FNIP1: variants seen among roughly 807,000 people sequenced by gnomAD.
FNIP1 encodes the protein folliculin-interacting protein 1.
A neutral mutation model predicts 124.5 loss-of-function variants in FNIP1; 40 were observed. The observed-to-expected ratio is 0.32, with a 90% CI of 0.25 to 0.42. The LOEUF is 0.42. Ranked by LOEUF, FNIP1 falls within the 10% of genes least tolerant of loss-of-function variation. The probability of loss-of-function intolerance (pLI) is 1.00; values close to 1 mark genes in which losing one functional copy is unlikely to be tolerated. For synonymous variants in FNIP1, 472 were observed against 470.6 expected, an observed-to-expected ratio of 1.00 and a Z score of -0.04; for missense variants, 1,176 against 1,403.7, an observed-to-expected ratio of 0.84 and a Z score of 2.59.
At chr5:131,729,270 G>A (rs1215735147) in intron 3 of FNIP1, among the ~76,000 whole-genome samples, 2 of 152,218 alleles carry the variant, frequency 1.3e-5, no homozygotes, top group African/African-American at 2.4e-5. Flanking sequence ...TAAGTCTGCT[G>A]AGGCTGTGCC....
At chr5:131,649,974 T>C (rs1766996399) in intron 16 of FNIP1, among the ~76,000 whole-genome samples, 1 of 152,202 alleles carries the variant, frequency 6.6e-6, no homozygotes, top group African/African-American at 2.4e-5. Flanking sequence ...ATTCCATTGG[T>C]CTATATACCT....
At chr5:131,778,622 T>C (rs540937262) in intron 1 of FNIP1, among the ~76,000 whole-genome samples, 19 of 120,008 alleles carry the variant, frequency 1.6e-4, no homozygotes, top group Non-Finnish European at 2.2e-4. Flanking sequence ...GAAATACCAT[T>C]TGACCCAGCC....
chr5:131,736,158 T>C (rs1241282914), intron 2 of FNIP1, among the ~76,000 whole-genome samples: 1 of 152,202 alleles, frequency 6.6e-6, no homozygotes, highest in East Asian at 1.9e-4. Context: ...TTTCCATGTA[T>C]GTTTCAACTC....
chr5:131,711,370 C>T lies in FNIP1; in HGVS notation c.623-709G>A, dbSNP rs151200479. On this transcript the variant is annotated intron_variant, in intron 6 of 17. Coordinates refer to ENST00000510461, the MANE Select transcript of FNIP1 (RefSeq NM_133372.3). ...TGAAGACCCAAGAAGGACATTATAGCCTGAAAGCAAGCAGCTGGGTTACCT... is the reference window on the plus strand; with the variant it reads ...TGAAGACCCAAGAAGGACATTATAGTCTGAAAGCAAGCAGCTGGGTTACCT... 7.5e-3 allele frequency among the ~76,000 whole-genome samples: 1,140 copies of T among 152,268 alleles called. 2 individuals are homozygous for T. The highest frequency in any genetic ancestry group is 0.011 in the Non-Finnish European group (717 of 68,032).
intron 1 of FNIP1, among the ~76,000 whole-genome samples, chr5:131,769,239 T>G (rs1771543237): frequency 6.6e-6 from 1 of 152,180 alleles, no homozygotes; most frequent in Non-Finnish European, 1.5e-5. Context: ...AAAACAATAA[T>G]TAATACTTGC....
At chr5:131,696,910 T>A (rs1289982016) in intron 11 of FNIP1, among the ~76,000 whole-genome samples, 1 of 152,138 alleles carries the variant, frequency 6.6e-6, no homozygotes, top group African/African-American at 2.4e-5. Context: ...TAGACATTAT[T>A]CTCTTTCTCA....
intron 2 of FNIP1, among the ~76,000 whole-genome samples, chr5:131,735,529 T>C (rs1005283760): frequency 2.4e-4 from 36 of 148,220 alleles, no homozygotes; most frequent in South Asian, 1.5e-3. Flanking sequence ...TATACATATA[T>C]ACGTATTTAT....
intron 11 of FNIP1, among the ~76,000 whole-genome samples, chr5:131,684,641 T>C (rs979439236): frequency 4.6e-5 from 7 of 152,164 alleles, no homozygotes; most frequent in African/African-American, 9.7e-5. Context: ...ACCACAGCAA[T>C]TGACTCACAA....
At chr5:131,686,956 G>C (rs1034610187) in intron 11 of FNIP1, among the ~76,000 whole-genome samples, 1 of 148,160 alleles carries the variant, frequency 6.7e-6, no homozygotes, top group Non-Finnish European at 1.5e-5. Context: ...AAGAGTTTGG[G>C]AAACAGTTTT....
At chr5:131,796,565 C>A in intron 1 of FNIP1, 3 of 523,338 alleles carry the variant, frequency 5.7e-6, no homozygotes, top group Non-Finnish European at 1.0e-5. Flanking sequence ...GGAGCAGAGT[C>A]GCGCGTGGCT....
At chr5:131,689,387 A>G (rs1768398976) in intron 11 of FNIP1, among the ~76,000 whole-genome samples, 1 of 152,186 alleles carries the variant, frequency 6.6e-6, no homozygotes, top group South Asian at 2.1e-4. Context: ...AAAGTAATAA[A>G]TGTAAAATAA....
At chr5:131,781,708 G>A (rs767488421) in intron 1 of FNIP1, among the ~76,000 whole-genome samples, 2 of 152,152 alleles carry the variant, frequency 1.3e-5, no homozygotes, top group Non-Finnish European at 2.9e-5. Context: ...AATGCATCTT[G>A]TCACCAAAGA....
chr5:131,660,167 C>G (rs1767382564), intron 15 of FNIP1, among the ~76,000 whole-genome samples: 1 of 151,922 alleles, frequency 6.6e-6, no homozygotes, highest in African/African-American at 2.4e-5. Context: ...GGGTGAGGCT[C>G]TGTGCTTGCA....
intron 11 of FNIP1, among the ~76,000 whole-genome samples, chr5:131,687,474 AT>A (rs1474330586): frequency 6.6e-6 from 1 of 152,208 alleles, no homozygotes; most frequent in Admixed American, 6.5e-5. Flanking sequence ...ACATTAAAAT[AT>A]TGATTTAAAA....
chr5:131,691,157 T>C (rs981245631), intron 11 of FNIP1, among the ~76,000 whole-genome samples: 4 of 152,234 alleles, frequency 2.6e-5, no homozygotes, highest in African/African-American at 4.8e-5. Flanking sequence ...ATACAATGTA[T>C]GTTCTCAAAT....
Position 131,693,392 on chromosome 5 carries a change from T to C in FNIP1, c.1202+5525A>G, listed in dbSNP as rs548782217. Among the ~76,000 whole-genome samples, 29 of 119,722 alleles carry C rather than the reference T, an allele frequency of 2.4e-4. 1 individual carries two copies. Among genetic ancestry groups the C allele is most frequent in the African/African-American group, 8.1e-4 (26 of 32,110 alleles). 78.5% of individuals were successfully genotyped at this position (119,722 alleles called of 152,430 possible). A position where few individuals can be genotyped will look rare whatever the true frequency, so the allele number is the denominator to read the frequency against. On this transcript the variant is annotated intron_variant, in intron 11 of 17. Coordinates refer to ENST00000510461, the MANE Select transcript of FNIP1 (RefSeq NM_133372.3). ...CAGAGATCAACAGAACAGAACAGAA[T>C]AGAACAGAACAGGGAGCCCCCAAAC...
Position 131,719,031 on chromosome 5 carries a change from A to G in FNIP1, c.485T>C (p.Val162Ala), listed in dbSNP as rs1027950655. 17 of 1,613,588 alleles carry G rather than the reference A, an allele frequency of 1.1e-5. No homozygotes were observed. The highest frequency in any genetic ancestry group is 9.3e-6 in the Non-Finnish European group (11 of 1,179,660). Residue 162 changes from valine to alanine, a missense_variant, in exon 5 of 18, where the codon GTG becomes GCG. By Grantham distance (64) the Val-to-Ala change is moderately conservative. Transcript: ENST00000510461. ...RSPPQLMLSK[V>A]FTARTGSSIC... ...ACTGCTGCCAGTCCGAGCAGTAAACACTTTGCTGAGCATGAGCTGTGGAGG... is the reference window on the plus strand; with the variant it reads ...ACTGCTGCCAGTCCGAGCAGTAAACGCTTTGCTGAGCATGAGCTGTGGAGG...
Position 131,670,607 on chromosome 5 carries a change from A to G in FNIP1, c.2964T>C (p.Ala988=). The G allele has an allele frequency of 1.9e-6, 3 of 1,609,580 alleles. No individual in the cohort carries two copies. The highest frequency in any genetic ancestry group is 2.5e-6 in the Non-Finnish European group (3 of 1,178,442). The change falls in exon 15 of 18, where the codon GCT becomes GCC. Residue 988 remains alanine (A), a synonymous_variant. Coordinates refer to ENST00000510461, the MANE Select transcript of FNIP1 (RefSeq NM_133372.3). ...CGAAGTTGGCAATGTTGGGCTGAACAGCACTCACTTCGATTAACTTTGACC... is the reference window on the plus strand; with the variant it reads ...CGAAGTTGGCAATGTTGGGCTGAACGGCACTCACTTCGATTAACTTTGACC... The part of the protein sequence containing the change: ...FPGSKLIEVS[A]VQPNIANFGR...
At chr5:131,763,587 G>A (rs1221677962) in intron 1 of FNIP1, among the ~76,000 whole-genome samples, 2 of 151,888 alleles carry the variant, frequency 1.3e-5, no homozygotes, top group East Asian at 3.9e-4. Flanking sequence ...AATGGGGGAG[G>A]TGCTACACAG....
Sources: gnomAD v4.1 joint callset for allele counts (sites outside exome capture counted in the v4.1 genomes callset) on GRCh38, gnomAD v4.1.1 for gene constraint, MANE v1.5 for transcripts, NCBI Gene and HGNC (gene_info 2026-07-23, HGNC 2026-07-21) for gene names.